DOCK9: variants seen among roughly 807,000 people sequenced by gnomAD.
DOCK9 encodes dedicator of cytokinesis protein 9.
In DOCK9, 89 loss-of-function variants were observed where a neutral mutation model predicts 263.3. That is an observed-to-expected ratio of 0.34 (90% confidence interval 0.28 to 0.40). The LOEUF (loss-of-function observed/expected upper bound fraction) is 0.40, where lower values mean the gene tolerates loss of function less well. DOCK9 is among the 10% of genes least tolerant of loss of function. The pLI, the probability that DOCK9 is intolerant of heterozygous loss-of-function variation, is 1.00. For synonymous variants in DOCK9, 976 were observed against 973.1 expected, an observed-to-expected ratio of 1.00 and a Z score of -0.06; for missense variants, 2,140 against 2,603.4, an observed-to-expected ratio of 0.82 and a Z score of 3.87.
rs369355296 is a variant in DOCK9 at position 98,809,397 on chromosome 13, G to T, written c.5322C>A (p.Gly1774=). The T allele has an allele frequency of 3.2e-5, 51 of 1,613,846 alleles. No homozygotes were observed. The East Asian group carries it at 4.5e-4, about 14-fold the overall frequency. Residue 1774 remains glycine (G), a synonymous_variant, in exon 47 of 53, where the codon GGC becomes GGA. Transcript: ENST00000682017. ...GGAAGTAGGTCCCCAGAAGCCTGCGGCCCGAGTGCATGACCTCGGTCACTT... is the reference window on the plus strand; with the variant it reads ...GGAAGTAGGTCCCCAGAAGCCTGCGTCCCGAGTGCATGACCTCGGTCACTT... The part of the protein sequence containing the change: ...YSKVTEVMHS[G]RRLLGTYFRV...
chr13:98,927,412 G>A (rs927390414), intron 3 of DOCK9, among the ~76,000 whole-genome samples: 3 of 152,074 alleles, frequency 2.0e-5, no homozygotes, highest in African/African-American at 4.8e-5. Flanking sequence ...TATGTACGAC[G>A]TGGTCTTGTG....
intron 1 of DOCK9, among the ~76,000 whole-genome samples, chr13:99,014,535 CA>C (rs1212078873): frequency 6.6e-6 from 1 of 152,200 alleles, no homozygotes; most frequent in Non-Finnish European, 1.5e-5. Context: ...AATCTGATCA[CA>C]AGGGCATATG....
At chr13:98,821,479 ACAGTTC>A (rs1270172899) in intron 45 of DOCK9, among the ~76,000 whole-genome samples, 1 of 152,152 alleles carries the variant, frequency 6.6e-6, no homozygotes, top group African/African-American at 2.4e-5. Flanking sequence ...ACTTTTAAAA[ACAGTTC>A]CTTTCTTAGA....
intron 39 of DOCK9, among the ~76,000 whole-genome samples, chr13:98,832,826 A>G (rs1401432128): frequency 1.3e-5 from 2 of 152,268 alleles, no homozygotes; most frequent in Non-Finnish European, 2.9e-5. Flanking sequence ...TCAAGAGGCC[A>G]GTATCTCAAA....
chr13:98,882,587 C>T (rs569174363), intron 23 of DOCK9, among the ~76,000 whole-genome samples: 3 of 152,292 alleles, frequency 2.0e-5, no homozygotes, highest in South Asian at 4.1e-4. Context: ...GCTGCTTAGA[C>T]ACGCCAGGAA....
intron 52 of DOCK9, among the ~76,000 whole-genome samples, chr13:98,796,466 A>C (rs2089420089): frequency 6.6e-6 from 1 of 152,196 alleles, no homozygotes; most frequent in Non-Finnish European, 1.5e-5. Flanking sequence ...TCACAAAAAA[A>C]ACAATGTGGA....
chr13:98,898,242 T>G lies in DOCK9; in HGVS notation c.1523A>C (p.Lys508Thr). Residue 508 changes from lysine to threonine, a missense_variant, in exon 14 of 53, where the codon AAG (lysine) becomes ACG (threonine). By Grantham distance (78) the Lys-to-Thr change is moderately conservative. This residue lies in a region of DOCK9 where 1,521 missense variants were observed against 1,741.7 expected (regional missense o/e 0.87). Coordinates refer to ENST00000682017, the MANE Select transcript of DOCK9 (RefSeq NM_001366683.2). ...TCTTTGGCATGCCTGCTTGGCATTCTTCAGCACCTTCTGGGCCACCTTGAA... is the reference window on the plus strand; with the variant it reads ...TCTTTGGCATGCCTGCTTGGCATTCGTCAGCACCTTCTGGGCCACCTTGAA... Reference protein sequence around the residue: ...DSSKVAQKVLKNAKQACQRLG... With the variant: ...DSSKVAQKVLTNAKQACQRLG... 1 of 1,611,504 alleles carries G rather than the reference T, an allele frequency of 6.2e-7. No homozygotes were observed. Among genetic ancestry groups the G allele is most frequent in the Non-Finnish European group, 8.5e-7 (1 of 1,178,768 alleles).
chr13:99,086,319 C>G, exon 1 of DOCK9: 1 of 1,475,242 alleles, frequency 6.8e-7, no homozygotes, highest in Non-Finnish European at 8.9e-7. Context: ...TCCGAGTCTC[C>G]GCCGAGGCGG....
At chr13:99,085,308 A>G (rs1299329358) in intron 1 of DOCK9, among the ~76,000 whole-genome samples, 2 of 152,234 alleles carry the variant, frequency 1.3e-5, no homozygotes, top group Non-Finnish European at 2.9e-5. Context: ...AGCCCGTTTC[A>G]AGAAAACAAA....
At chr13:99,058,541 G>A (rs1468844401) in intron 1 of DOCK9, among the ~76,000 whole-genome samples, 1 of 152,148 alleles carries the variant, frequency 6.6e-6, no homozygotes, top group Non-Finnish European at 1.5e-5. Context: ...ATCTGCTTGT[G>A]TCAGCAGGTC....
At chr13:98,850,167 G>A (rs1808376080) in intron 35 of DOCK9, 54 bp from the exon 36 acceptor site, 1 of 1,249,412 alleles carries the variant, frequency 8.0e-7, no homozygotes, top group Non-Finnish European at 1.1e-6. Context: ...ACATTATGGA[G>A]AATCACCTGT....
intron 18 of DOCK9, 92 bp from the exon 19 acceptor site, chr13:98,886,716 G>A (rs757080107): frequency 2.5e-6 from 3 of 1,218,682 alleles, no homozygotes; most frequent in African/African-American, 1.5e-5. Context: ...CATTCCTACG[G>A]CATAGACTTA....
At chr13:99,022,506 G>A (rs1485010798) in intron 1 of DOCK9, among the ~76,000 whole-genome samples, 1 of 152,192 alleles carries the variant, frequency 6.6e-6, no homozygotes, top group East Asian at 1.9e-4. Context: ...GTGACCAAGT[G>A]AAAGGAAGTG....
chr13:98,816,103 C>T (rs563411417), intron 45 of DOCK9, among the ~76,000 whole-genome samples: 5 of 152,182 alleles, frequency 3.3e-5, no homozygotes, highest in Middle Eastern at 3.4e-3. Flanking sequence ...CAAGGCACAG[C>T]GCTTGACACT....
chr13:99,078,147 G>A (rs2041985257), intron 1 of DOCK9, among the ~76,000 whole-genome samples: 1 of 152,142 alleles, frequency 6.6e-6, no homozygotes, highest in South Asian at 2.1e-4. Context: ...TGGTAGGACA[G>A]CCAAGTAGAA....
chr13:98,905,329 G>C (rs2048917840), intron 9 of DOCK9, among the ~76,000 whole-genome samples: 1 of 152,162 alleles, frequency 6.6e-6, no homozygotes, highest in African/African-American at 2.4e-5. Flanking sequence ...CTAGTCCCAA[G>C]GAACACCAGG....
chr13:98,973,754 C>G (rs150558324), intron 1 of DOCK9, among the ~76,000 whole-genome samples: 1 of 152,084 alleles, frequency 6.6e-6, no homozygotes, highest in Non-Finnish European at 1.5e-5. Context: ...CATGCCACCT[C>G]GTCTGGCTAA....
rs201938063 is a variant in DOCK9 at position 98,868,227 on chromosome 13, C to T, written c.3090+4G>A. 16 of 1,613,598 alleles carry T rather than the reference C, an allele frequency of 9.9e-6. 1 individual carries two copies. The Middle Eastern group carries it at 5.0e-4, about 50-fold the overall frequency. On this transcript the variant is annotated splice_donor_region_variant and intron_variant, in intron 28 of 52. Transcript: ENST00000682017. ...CTGATATCCTCTTCCCTGGAGGTCC[C>T]CACCTTGATGAAGACAGCAAGGCTA... is the stretch of plus-strand genomic sequence containing the variant.
At chr13:98,807,476 A>AT (rs747542071) in intron 48 of DOCK9, among the ~76,000 whole-genome samples, 185 bp downstream of exon 48, 22 of 152,194 alleles carry the variant, frequency 1.4e-4, no homozygotes, top group Non-Finnish European at 2.9e-4. Context: ...GGCGATAAAG[A>AT]TTTTTTAATG....
Sources: allele counts gnomAD v4.1 joint callset (sites outside exome capture counted in the v4.1 genomes callset), GRCh38; gene constraint gnomAD v4.1.1; regional missense constraint gnomAD v4.1.1; transcripts MANE v1.5; gene names NCBI Gene and HGNC (gene_info 2026-07-23, HGNC 2026-07-21).